Variants in SUGCT observed in about 807,000 individuals in gnomAD.
The protein encoded by SUGCT is succinyl-CoA:glutarate CoA-transferase.
SUGCT carries 41 observed loss-of-function variants against 55.0 expected under a neutral mutation model. That is an observed-to-expected ratio of 0.74 (90% CI 0.58 to 0.97). The LOEUF (loss-of-function observed/expected upper bound fraction) is 0.97. Among genes scored for constraint, SUGCT ranks in the 50% least tolerant of loss-of-function variants. The pLI is 0.00. For synonymous variants in SUGCT, 187 were observed against 200.4 expected (o/e 0.93, Z 0.56); for missense variants, 568 against 547.8 (o/e 1.04, Z -0.37).
intron 12 of SUGCT, among the ~76,000 whole-genome samples, chr7:40,642,015 T>C (rs1378194893): frequency 6.6e-6 from 1 of 152,224 alleles, no homozygotes; most frequent in Non-Finnish European, 1.5e-5. Context: ...AGTGCGATGA[T>C]GATAAACCCA....
intron 12 of SUGCT, among the ~76,000 whole-genome samples, chr7:40,667,012 G>C (rs1033025116): frequency 6.6e-6 from 1 of 151,682 alleles, no homozygotes; most frequent in Admixed American, 6.6e-5. Flanking sequence ...CTACTTGGGA[G>C]GCTGAGGTAG....
intron 13 of SUGCT, among the ~76,000 whole-genome samples, chr7:40,793,451 C>T (rs893727795): frequency 6.6e-6 from 1 of 152,134 alleles, no homozygotes; most frequent in African/African-American, 2.4e-5. Flanking sequence ...ATGCTTGTGG[C>T]TGCATTCTTG....
chr7:40,449,997 T>C (rs2158761), intron 10 of SUGCT, among the ~76,000 whole-genome samples: 44,827 of 152,088 alleles, frequency 0.29, 8,855 homozygotes, highest in African/African-American at 0.56. Context: ...TTCGCCATCT[T>C]GGATCACTGC....
At chr7:41,012,386 C>T in the SUGCT span, among the ~76,000 whole-genome samples, 2 of 152,190 alleles carry the variant, frequency 1.3e-5, no homozygotes, top group African/African-American at 2.4e-5. Context: ...TGAGTTTCAA[C>T]CCAGCCTGCT....
chr7:40,337,049 T>A (rs186162730), intron 9 of SUGCT, among the ~76,000 whole-genome samples: 107 of 152,350 alleles, frequency 7.0e-4, no homozygotes, highest in African/African-American at 2.5e-3. Flanking sequence ...TTCCATGTAG[T>A]TGAGCGATTT....
chr7:40,706,861 G>T (rs1785439123), intron 12 of SUGCT, among the ~76,000 whole-genome samples: 1 of 152,332 alleles, frequency 6.6e-6, no homozygotes, highest in African/African-American at 2.4e-5. Flanking sequence ...TAATCTGGCT[G>T]CCTCCTTTTT....
intron 5 of SUGCT, among the ~76,000 whole-genome samples, chr7:40,191,121 A>G (rs1416389794): frequency 6.6e-6 from 1 of 152,090 alleles, no homozygotes; most frequent in African/African-American, 2.4e-5. Flanking sequence ...GTTTCAAGCA[A>G]TTCTCCTGTC....
chr7:40,570,850 CTTTTTTTTTTTTTT>C (rs776733346), intron 12 of SUGCT, among the ~76,000 whole-genome samples: 1 of 52,262 alleles, frequency 1.9e-5, no homozygotes. Flanking sequence ...GCTTTAGGCT[CTTTTTTTTTTTTTT>C]TTTTTTTTTT....
the SUGCT span, among the ~76,000 whole-genome samples, chr7:40,898,997 A>G: frequency 4.1e-3 from 620 of 152,246 alleles, 33 homozygotes; most frequent in South Asian, 0.11. Flanking sequence ...AGGGGGGTCT[A>G]CAGCCACGTC....
chr7:40,285,879 T>C (rs1351453398), intron 8 of SUGCT, among the ~76,000 whole-genome samples: 2 of 152,204 alleles, frequency 1.3e-5, no homozygotes, highest in Non-Finnish European at 2.9e-5. Flanking sequence ...ATTTTCTAGA[T>C]GAATAATAGT....
At chr7:40,889,000 AT>A in the SUGCT span, among the ~76,000 whole-genome samples, 1 of 152,168 alleles carries the variant, frequency 6.6e-6, no homozygotes, top group Non-Finnish European at 1.5e-5. Flanking sequence ...TGCTGCATGG[AT>A]TGTGTTTTCT....
intron 9 of SUGCT, among the ~76,000 whole-genome samples, chr7:40,367,014 C>T (rs183275375): frequency 2.0e-5 from 3 of 152,014 alleles, no homozygotes; most frequent in Non-Finnish European, 2.9e-5. Context: ...TGGAACCAAC[C>T]CAAATGTCCA....
chr7:41,034,756 T>C, the SUGCT span, among the ~76,000 whole-genome samples: 3 of 152,212 alleles, frequency 2.0e-5, no homozygotes, highest in South Asian at 2.1e-4. Flanking sequence ...TCTGCCCTTC[T>C]TTCTGGTCTT....
the SUGCT span, among the ~76,000 whole-genome samples, chr7:40,898,423 TGTAACACTC>T: frequency 7.8e-6 from 1 of 127,520 alleles, no homozygotes; most frequent in African/African-American, 3.2e-5. Context: ...CTTTAAGAAC[TGTAACACTC>T]GGCAGGGCAT....
chr7:40,263,637 T>C (rs371340373), intron 7 of SUGCT, among the ~76,000 whole-genome samples: 17 of 152,214 alleles, frequency 1.1e-4, no homozygotes, highest in African/African-American at 4.1e-4. Context: ...TATGATATTA[T>C]GATTTATAAG....
chr7:40,295,186 A>G (rs1274538103), intron 8 of SUGCT, among the ~76,000 whole-genome samples: 3 of 152,236 alleles, frequency 2.0e-5, no homozygotes, highest in Admixed American at 6.5e-5. Context: ...ATACAAATGT[A>G]TAATTTAATA....
intron 9 of SUGCT, among the ~76,000 whole-genome samples, chr7:40,415,639 T>C (rs1364723175): frequency 6.6e-6 from 1 of 152,096 alleles, no homozygotes; most frequent in Admixed American, 6.5e-5. Context: ...TATTTTTACT[T>C]ATTTTCACAT....
rs1237166577 is a variant in SUGCT at position 40,188,437 on chromosome 7, A to G, written c.227-58A>G. ...CAACAGAGCAAGACTCCATCTCCAA[A>G]AAAAAAAAAAAAAAAAAACAAACCC... On this transcript the variant is annotated intron_variant, in intron 3 of 13. Transcript: ENST00000335693. 5 of 865,384 alleles carry G rather than the reference A, an allele frequency of 5.8e-6. No individual in the cohort carries two copies. In the East Asian group the frequency reaches 1.2e-4, roughly 21 times the overall value. The allele number at this position is 865,384 out of a possible 1,614,324, so 53.6% of individuals were successfully genotyped here. A position where few individuals can be genotyped will look rare whatever the true frequency, so the allele number is the denominator to read the frequency against.
chr7:41,010,687 C>T, the SUGCT span, among the ~76,000 whole-genome samples: 123 of 152,182 alleles, frequency 8.1e-4, no homozygotes, highest in African/African-American at 2.9e-3. Context: ...AGCAAGCCAC[C>T]GGAGGGCCAT....
Sources: allele counts gnomAD v4.1 joint callset (sites outside exome capture counted in the v4.1 genomes callset), GRCh38; gene constraint gnomAD v4.1.1; transcripts MANE v1.5; gene names NCBI Gene and HGNC (gene_info 2026-07-23, HGNC 2026-07-21).